Variants in AOAH observed in about 807,000 individuals in gnomAD.
AOAH encodes the protein acyloxyacyl hydrolase (neutrophil).
In AOAH, 64 loss-of-function variants were observed where a neutral mutation model predicts 92.2. The ratio of observed to expected loss-of-function variants is 0.69; its 90% CI spans 0.57 to 0.86. The LOEUF is 0.86. AOAH is among the 40% of genes least tolerant of loss of function. The pLI, the probability that AOAH is intolerant of heterozygous loss-of-function variation, is 0.00. For synonymous variants in AOAH, 263 were observed against 254.5 expected (o/e 1.03, Z -0.32); for missense variants, 656 against 694.6 (o/e 0.94, Z 0.62).
intron 4 of AOAH, among the ~76,000 whole-genome samples, chr7:36,658,525 C>T (rs577343871): frequency 6.6e-6 from 1 of 152,228 alleles, no homozygotes; most frequent in African/African-American, 2.4e-5. Flanking sequence ...TTAAAAGCTA[C>T]ACAAAATGAT....
At chr7:36,698,145 A>AT (rs1797828974) in intron 1 of AOAH, among the ~76,000 whole-genome samples, 1 of 152,072 alleles carries the variant, frequency 6.6e-6, no homozygotes, top group Admixed American at 6.6e-5. Flanking sequence ...CACATTTTCT[A>AT]TTTTTTCTTA....
chr7:36,625,526 A>G (rs1792596374), intron 6 of AOAH, among the ~76,000 whole-genome samples: 1 of 152,174 alleles, frequency 6.6e-6, no homozygotes, highest in African/African-American at 2.4e-5. Flanking sequence ...GCTGTCCGAA[A>G]GAGGAAATTC....
rs139305992 is a variant in AOAH, at chr7:36,717,980, A to G, written c.127+6042T>C. Among the ~76,000 whole-genome samples, 332 of 152,240 alleles carry G rather than the reference A, an allele frequency of 2.2e-3. 3 individuals are homozygous for G. The highest frequency in any genetic ancestry group is 7.7e-3 in the African/African-American group (322 of 41,564). ...CACTGGACTCCATCAAAATTACTAA[A>G]TTTTGTTCGTGAAAGGACACCATTA... On this transcript the variant is annotated intron_variant, in intron 1 of 20. Coordinates refer to ENST00000617537, the MANE Select transcript of AOAH (RefSeq NM_001637.4).
intron 9 of AOAH, among the ~76,000 whole-genome samples, chr7:36,618,729 A>G (rs1442377106): frequency 2.0e-5 from 3 of 152,212 alleles, no homozygotes; most frequent in Non-Finnish European, 4.4e-5. Flanking sequence ...TTCAGTACCT[A>G]AGATTGATGC....
chr7:36,552,394 C>T (rs1158790944), intron 13 of AOAH, among the ~76,000 whole-genome samples: 3 of 152,056 alleles, frequency 2.0e-5, no homozygotes, highest in African/African-American at 4.8e-5. Context: ...TTTCTTTATC[C>T]AGTCTATCAT....
chr7:36,633,165 T>C (rs1793257382), intron 5 of AOAH, among the ~76,000 whole-genome samples: 1 of 152,232 alleles, frequency 6.6e-6, no homozygotes, highest in Admixed American at 6.5e-5. Context: ...AGAGACGGCC[T>C]GAGGCTTTGT....
In AOAH at chr7:36,724,050, G is replaced by A; in HGVS notation, c.99C>T (p.Pro33=). ...CACAGGTGTGCCCATTCGAGAGGCT[G>A]GGCCTGGACTGGTCATCGTTGGCTG... ...ASPANDDQSR[P]SLSNGHTCVG... Residue 33 remains proline, a synonymous_variant, in exon 1 of 21, where the codon CCC becomes CCT. Transcript: ENST00000617537. The A allele has an allele frequency of 6.2e-7, 1 of 1,613,670 alleles. No homozygotes were observed. The highest frequency in any genetic ancestry group is 8.5e-7 in the Non-Finnish European group (1 of 1,179,714).
intron 19 of AOAH, among the ~76,000 whole-genome samples, chr7:36,530,195 A>G (rs115478536): frequency 1.3e-5 from 2 of 152,340 alleles, no homozygotes; most frequent in African/African-American, 4.8e-5. Context: ...GGATTCTAAA[A>G]TGATGGTGAA....
intron 15 of AOAH, among the ~76,000 whole-genome samples, chr7:36,546,803 G>A (rs887203510): frequency 6.6e-6 from 1 of 152,218 alleles, no homozygotes; most frequent in African/African-American, 2.4e-5. Context: ...GGCAGCTAGA[G>A]CCTGAAGCAT....
At chr7:36,583,318 C>A (rs965676452) in intron 12 of AOAH, among the ~76,000 whole-genome samples, 1 of 152,088 alleles carries the variant, frequency 6.6e-6, no homozygotes, top group Non-Finnish European at 1.5e-5. Context: ...TATCCAGGGA[C>A]CTTTTCTGCT....
chr7:36,541,952 C>T (rs183084402), intron 15 of AOAH, among the ~76,000 whole-genome samples: 78 of 152,286 alleles, frequency 5.1e-4, no homozygotes, highest in Middle Eastern at 6.8e-3. Context: ...AATAATGCTA[C>T]AGTGTTACTT....
chr7:36,629,303 C>G (rs1792898610), intron 6 of AOAH, among the ~76,000 whole-genome samples: 1 of 152,198 alleles, frequency 6.6e-6, no homozygotes, highest in African/African-American at 2.4e-5. Context: ...CACTGATGCT[C>G]TTGAATTCAA....
chr7:36,543,458 T>G (rs1453218229), intron 15 of AOAH, among the ~76,000 whole-genome samples: 1 of 152,176 alleles, frequency 6.6e-6, no homozygotes. Flanking sequence ...GCCACACTTT[T>G]TTTTTTCCTG....
At chr7:36,632,446 T>TCAAA (rs1426690228) in intron 5 of AOAH, among the ~76,000 whole-genome samples, 2 of 152,000 alleles carry the variant, frequency 1.3e-5, no homozygotes, top group Admixed American at 6.6e-5. Context: ...AAGAAGATTT[T>TCAAA]CAAACAAAAT....
chr7:36,675,211 G>A (rs549847959), intron 2 of AOAH, among the ~76,000 whole-genome samples: 13 of 152,194 alleles, frequency 8.5e-5, no homozygotes, highest in South Asian at 4.1e-4. Context: ...AGCCGAGATC[G>A]TGCCATTGCA....
At chr7:36,536,634 C>A (rs1785074321) in intron 16 of AOAH, among the ~76,000 whole-genome samples, 1 of 152,198 alleles carries the variant, frequency 6.6e-6, no homozygotes, top group Admixed American at 6.5e-5. Context: ...AAGCATCTAT[C>A]TCCCAGGGTT....
intron 13 of AOAH, among the ~76,000 whole-genome samples, chr7:36,568,955 C>A (rs973029447): frequency 1.3e-5 from 2 of 152,056 alleles, no homozygotes; most frequent in Non-Finnish European, 2.9e-5. Flanking sequence ...AGGTTCCAGA[C>A]CAAAGGTGGT....
chr7:36,671,224 T>TA (rs1441660698), intron 3 of AOAH, among the ~76,000 whole-genome samples: 1 of 152,134 alleles, frequency 6.6e-6, no homozygotes, highest in Admixed American at 6.5e-5. Flanking sequence ...ATACTTTTTT[T>TA]AAAAAAATTT....
Position 36,686,688 on chromosome 7 carries a change from C to T in AOAH, c.223+11G>A. On this transcript the variant is annotated intron_variant, in intron 2 of 20. Coordinates refer to ENST00000617537, the MANE Select transcript of AOAH (RefSeq NM_001637.4). ...GCAGACCCTCAGCAGTATGACTCGT[C>T]CCATATTTACCAGGCAGGTAGCTGC... is the stretch of plus-strand genomic sequence containing the variant. The T allele has an allele frequency of 3.3e-6, 5 of 1,503,704 alleles. No homozygotes were observed. Among genetic ancestry groups the T allele is most frequent in the Non-Finnish European group, 4.5e-6 (5 of 1,121,752 alleles). The allele number at this position is 1,503,704 out of a possible 1,614,324, so 93.1% of individuals were successfully genotyped here.
Sources: allele counts gnomAD v4.1 joint callset (sites outside exome capture counted in the v4.1 genomes callset), GRCh38; gene constraint gnomAD v4.1.1; transcripts MANE v1.5; gene names NCBI Gene and HGNC (gene_info 2026-07-23, HGNC 2026-07-21).